Variants in KIF13A observed in about 807,000 individuals in gnomAD.
The protein encoded by KIF13A is kinesin family member 13A, also known as kinesin-like protein KIF13A.
KIF13A carries 79 observed loss-of-function variants against 212.2 expected under a neutral mutation model. The ratio of observed to expected loss-of-function variants is 0.37; its 90% CI spans 0.31 to 0.45. The LOEUF (loss-of-function observed/expected upper bound fraction) is 0.45, where lower values mean the gene tolerates loss of function less well. KIF13A is among the 20% of genes least tolerant of loss of function. KIF13A has a pLI of 1.00. For missense variants in KIF13A, 1,901 were observed against 2,209.0 expected (o/e 0.86, Z 2.79); for synonymous variants, 789 against 808.6 (o/e 0.98, Z 0.41).
chr6:17,870,773 T>TC (rs112024527), intron 4 of KIF13A, among the ~76,000 whole-genome samples: 83 of 151,700 alleles, frequency 5.5e-4, no homozygotes, highest in African/African-American at 1.8e-3. Flanking sequence ...GCAGCTGGGT[T>TC]CCCCCCCGCC....
chr6:17,936,718 T>G (rs1434046816), intron 2 of KIF13A, among the ~76,000 whole-genome samples: 1 of 152,124 alleles, frequency 6.6e-6, no homozygotes, highest in African/African-American at 2.4e-5. Flanking sequence ...AAGTCAGTAA[T>G]GCAACTAACT....
Position 17,794,512 on chromosome 6 carries a change from A to G in KIF13A, c.3075+60T>C. 1 of 1,566,954 alleles carries G rather than the reference A, an allele frequency of 6.4e-7. No homozygotes were observed. Among genetic ancestry groups the G allele is most frequent in the Non-Finnish European group, 8.6e-7 (1 of 1,156,756 alleles). ...AAATAGTTAGAAAATCCCCAGAAAC[A>G]ATGTGTAAGAGTGGAACAGAGAGAA... is the stretch of plus-strand genomic sequence containing the variant. On this transcript the variant is annotated intron_variant, in intron 24 of 38. Coordinates refer to ENST00000259711, the MANE Select transcript of KIF13A (RefSeq NM_022113.6). This position sits in a 1 kb window ranked among gnomAD's most constrained non-coding sequence, Gnocchi z 4.1.
intron 2 of KIF13A, among the ~76,000 whole-genome samples, chr6:17,969,726 T>C (rs754323580): frequency 1.3e-5 from 2 of 152,210 alleles, no homozygotes; most frequent in Non-Finnish European, 2.9e-5. Flanking sequence ...ATCCCTTACA[T>C]GAATATATTT....
chr6:17,950,663 C>T (rs1276578960), intron 2 of KIF13A: 40 of 985,038 alleles, frequency 4.1e-5, no homozygotes, highest in Non-Finnish European at 4.7e-5. Flanking sequence ...AGGAATTCAA[C>T]TTTATGTGTC....
chr6:17,948,557 CTTTTTTTTTT>C (rs71002289), intron 2 of KIF13A, among the ~76,000 whole-genome samples: 2 of 84,138 alleles, frequency 2.4e-5, no homozygotes, highest in South Asian at 4.9e-4. Context: ...CATCCATTTA[CTTTTTTTTTT>C]TTTTTTTTTT....
rs753519712 is a variant in KIF13A at position 17,850,634 on chromosome 6, T to C, written c.583-177A>G. On this transcript the variant is annotated intron_variant, in intron 7 of 38. Coordinates refer to ENST00000259711, the MANE Select transcript of KIF13A (RefSeq NM_022113.6). The surrounding 1 kb of genome is among the most constrained non-coding windows in gnomAD (Gnocchi z 6.2). ...TGAGCTTCCACCTCACTCAAGACTT[T>C]GTAATGTATGAAATGTTTCCCTAAT... 2.0e-5 allele frequency among the ~76,000 whole-genome samples: 3 copies of C among 152,226 alleles called. No individual in the cohort carries two copies. Among genetic ancestry groups the C allele is most frequent in the Non-Finnish European group, 2.9e-5 (2 of 68,038 alleles).
At chr6:17,819,263 T>C (rs895995534) in intron 16 of KIF13A, among the ~76,000 whole-genome samples, 1 of 152,164 alleles carries the variant, frequency 6.6e-6, no homozygotes, top group African/African-American at 2.4e-5. Flanking sequence ...CTTAAAAAGC[T>C]GATGGAAAAT....
intron 2 of KIF13A, among the ~76,000 whole-genome samples, chr6:17,975,913 T>C (rs1239903872): frequency 1.3e-5 from 2 of 149,478 alleles, no homozygotes; most frequent in African/African-American, 2.5e-5. Context: ...TTTACAATCC[T>C]TGAGCTAGAC....
In KIF13A at chr6:17,943,786, G is replaced by A. The variant is rs79866852; in HGVS notation, c.146+43268C>T. The stretch of plus-strand genomic sequence containing the variant: ...AATTTACAACTCAACGGGGAGGCGT[G>A]GAAGTGCGTGGCATGCAACTGGGAT... On this transcript the variant is annotated intron_variant, in intron 2 of 38. Coordinates refer to ENST00000259711, the MANE Select transcript of KIF13A (RefSeq NM_022113.6). Among the ~76,000 whole-genome samples, 635 of 152,272 alleles carry A rather than the reference G, an allele frequency of 4.2e-3. 2 individuals are homozygous for A. The highest frequency in any genetic ancestry group is 6.6e-3 in the Non-Finnish European group (452 of 68,022).
At position 17,829,315 on chromosome 6, in the gene KIF13A, C is replaced by T. The variant is rs73722839; in HGVS notation, c.1402-945G>A. 1.3e-3 allele frequency among the ~76,000 whole-genome samples: 192 copies of T among 152,194 alleles called. 2 individuals carry two copies. The highest frequency in any genetic ancestry group is 4.1e-3 in the African/African-American group (170 of 41,542). On this transcript the variant is annotated intron_variant, in intron 13 of 38. Transcript: ENST00000259711. The surrounding 1 kb of genome is among the most constrained non-coding windows in gnomAD (Gnocchi z 5.4). Reference sequence around the variant, plus strand: ...ATATCATTACATGTCTCATAGACTCCGGAAAACTCCACCAATACATGCGTG... The same window carrying T: ...ATATCATTACATGTCTCATAGACTCTGGAAAACTCCACCAATACATGCGTG...
rs529555760 is a variant in KIF13A at position 17,825,934 on chromosome 6, T to C, written c.1620A>G (p.Arg540=). 3.1e-6 allele frequency: 5 copies of C among 1,613,674 alleles called. No homozygotes were observed. In the South Asian group the frequency reaches 5.5e-5, roughly 18 times the overall value. The change falls in exon 16 of 39, where the codon AGA becomes AGG. Residue 540 remains arginine, a splice_region_variant and synonymous_variant. Transcript: ENST00000259711. The surrounding 1 kb of genome is among the most constrained non-coding windows in gnomAD (Gnocchi z 4.5). ...GACGTTTCCTCTTAGGTAAGTTTATTCTGTGGGGTTTTTCACCATTAGAGA... is the reference window on the plus strand; with the variant it reads ...GACGTTTCCTCTTAGGTAAGTTTATCCTGTGGGGTTTTTCACCATTAGAGA... The part of the protein sequence containing the change: ...RILWGNNHFF[R]INLPKRKRRD...
chr6:17,835,151 A>C (rs1484377543), intron 11 of KIF13A, among the ~76,000 whole-genome samples: 2 of 133,768 alleles, frequency 1.5e-5, no homozygotes, highest in Non-Finnish European at 3.1e-5. Context: ...GTGCCACTGC[A>C]CTCCAGCCCG....
At chr6:17,873,534 C>T in intron 3 of KIF13A, 97 bp from the exon 4 acceptor site, 2 of 799,760 alleles carry the variant, frequency 2.5e-6, no homozygotes, top group Non-Finnish European at 4.1e-6. Flanking sequence ...AGAAGGATGG[C>T]CACTACTGTC....
chr6:17,958,337 C>T (rs551962141), intron 2 of KIF13A, among the ~76,000 whole-genome samples: 1 of 152,336 alleles, frequency 6.6e-6, no homozygotes, highest in African/African-American at 2.4e-5. Context: ...CCATTCCTCT[C>T]AGCAGTAATG....
chr6:17,932,550 C>A lies in KIF13A; in HGVS notation c.147-34370G>T, dbSNP rs1013784738. 5.3e-4 allele frequency among the ~76,000 whole-genome samples: 80 copies of A among 152,190 alleles called. 1 individual carries two copies. The highest frequency in any genetic ancestry group is 4.1e-4 in the South Asian group (2 of 4,828). On this transcript the variant is annotated intron_variant, in intron 2 of 38. Coordinates refer to ENST00000259711, the MANE Select transcript of KIF13A (RefSeq NM_022113.6). ...TGCCTGTGAATCTATTTTGGGGTTA[C>A]TTAGAAACTTGCTTTTGTTTTCCAA...
intron 2 of KIF13A, among the ~76,000 whole-genome samples, chr6:17,928,161 T>C (rs1775663099): frequency 6.6e-6 from 1 of 152,252 alleles, no homozygotes; most frequent in Non-Finnish European, 1.5e-5. Flanking sequence ...GCTAGTCACC[T>C]GGGCCAACTC....
chr6:17,777,352 G>A lies in KIF13A; in HGVS notation c.4095C>T (p.Ala1365=), dbSNP rs1372586171. Residue 1365 remains alanine (A), a splice_region_variant and synonymous_variant, in exon 34 of 39, where the codon GCC becomes GCT. Coordinates refer to ENST00000259711, the MANE Select transcript of KIF13A (RefSeq NM_022113.6). This position sits in a 1 kb window ranked among gnomAD's most constrained non-coding sequence, Gnocchi z 4.4. The part of the protein sequence containing the change: ...NILSLERLRQ[A]VTVKEALSTK... ...TGGAAAGTGCTTCTTTGACTGTGACGGCCTGTAAACATAATAATTTGAAAA... is the reference window on the plus strand; with the variant it reads ...TGGAAAGTGCTTCTTTGACTGTGACAGCCTGTAAACATAATAATTTGAAAA... 4.3e-6 allele frequency: 7 copies of A among 1,610,498 alleles called. No individual in the cohort carries two copies. The highest frequency in any genetic ancestry group is 2.2e-5 in the South Asian group (2 of 90,622).
intron 3 of KIF13A, among the ~76,000 whole-genome samples, chr6:17,891,600 A>G (rs943308238): frequency 2.6e-5 from 4 of 152,158 alleles, no homozygotes; most frequent in Admixed American, 6.6e-5. Flanking sequence ...TTTACAAAGA[A>G]TTAAAAAATT....
intron 2 of KIF13A, among the ~76,000 whole-genome samples, chr6:17,937,379 C>G (rs777131125): frequency 6.6e-6 from 1 of 152,150 alleles, no homozygotes; most frequent in Non-Finnish European, 1.5e-5. Flanking sequence ...GCATTGATCT[C>G]GGCAGTGATC....
Sources: allele counts gnomAD v4.1 joint callset (sites outside exome capture counted in the v4.1 genomes callset), GRCh38; gene constraint gnomAD v4.1.1; non-coding constraint Gnocchi (gnomAD v3.1); transcripts MANE v1.5; gene names NCBI Gene and HGNC (gene_info 2026-07-23, HGNC 2026-07-21).